EPRS1: variants seen among roughly 807,000 people sequenced by gnomAD.
EPRS1 encodes the protein glutamyl-prolyl-tRNA synthetase 1, also known as bifunctional glutamate/proline--tRNA ligase.
EPRS1 carries 107 observed loss-of-function variants against 188.3 expected under a neutral mutation model. That is an observed-to-expected ratio of 0.57 (90% CI 0.49 to 0.67). The LOEUF is 0.67. EPRS1 is among the 30% of genes least tolerant of loss of function. EPRS1 has a pLI of 0.00. For synonymous variants in EPRS1, 596 were observed against 593.1 expected, an observed-to-expected ratio of 1.00 and a Z score of -0.07; for missense variants, 1,577 against 1,802.2, an observed-to-expected ratio of 0.88 and a Z score of 2.26.
At chr1:220,018,058 C>A in intron 12 of EPRS1, 1 of 890,160 alleles carries the variant, frequency 1.1e-6, no homozygotes, top group South Asian at 1.4e-5. Flanking sequence ...AGCCATATAA[C>A]ATCTCAGGTT....
At chr1:219,996,078 G>A (rs748207150) in intron 18 of EPRS1, among the ~76,000 whole-genome samples, 11 of 152,120 alleles carry the variant, frequency 7.2e-5, no homozygotes, top group Non-Finnish European at 1.6e-4. Context: ...GCTGCTGTTT[G>A]AGGAGAACTA....
rs550876928 is a variant in EPRS1 at position 220,027,465 on chromosome 1, G to A, written c.624-2207C>T. ...AAATTATCTGGGCGTGGTGGTGGGC[G>A]CCTGTAATCCCAACTACTCGGGAGG... On this transcript the variant is annotated intron_variant, in intron 6 of 31. Transcript: ENST00000366923. 1.1e-3 allele frequency among the ~76,000 whole-genome samples: 161 copies of A among 150,760 alleles called. 2 individuals carry two copies. The Middle Eastern group carries it at 0.017, about 16-fold the overall frequency.
At chr1:220,037,986 A>G (rs1457905284) in intron 2 of EPRS1, among the ~76,000 whole-genome samples, 2 of 152,146 alleles carry the variant, frequency 1.3e-5, no homozygotes, top group African/African-American at 4.8e-5. Context: ...TGGTACAACT[A>G]CACTGGGAGA....
At position 219,978,718 on chromosome 1, in the gene EPRS1, A is replaced by G. The variant is rs749495361; in HGVS notation, c.3911T>C (p.Val1304Ala). ...VLPPRVACVQ[V>A]VIIPCGITNA... ...GGTAATGCCACAAGGAATAATCACC[A>G]CCTAGAATCAGCACAATGTCCCAAA... Residue 1304 changes from valine to alanine, a missense_variant and splice_region_variant, in exon 28 of 32, where the codon GTG becomes GCG. This residue lies in a region of EPRS1 where 296 missense variants were observed against 327.9 expected (regional missense o/e 0.90). Coordinates refer to ENST00000366923, the MANE Select transcript of EPRS1 (RefSeq NM_004446.3). 1.2e-6 allele frequency: 2 copies of G among 1,607,694 alleles called. No individual in the cohort carries two copies. The highest frequency in any genetic ancestry group is 2.2e-5 in the South Asian group (2 of 90,220).
At chr1:219,981,742 G>T (rs1297698108) in intron 23 of EPRS1, among the ~76,000 whole-genome samples, 3 of 152,046 alleles carry the variant, frequency 2.0e-5, no homozygotes, top group African/African-American at 7.2e-5. Context: ...TACTTCGACG[G>T]TTTTCACATT....
intron 11 of EPRS1, 140 bp from the exon 12 acceptor site, chr1:220,018,648 T>C (rs1661791578): frequency 1.5e-6 from 1 of 662,428 alleles, no homozygotes; most frequent in Non-Finnish European, 2.6e-6. Context: ...AATATAAAAC[T>C]CAGTGTATAC....
At chr1:220,001,022 A>G (rs1661339468) in intron 17 of EPRS1, 116 bp downstream of exon 17, 1 of 707,920 alleles carries the variant, frequency 1.4e-6, no homozygotes, top group Non-Finnish European at 2.6e-6. Flanking sequence ...AGCAAGACTT[A>G]ACTGTCTTCT....
At position 219,981,447 on chromosome 1, in the gene EPRS1, A is replaced by C. The variant is rs1425579593; in HGVS notation, c.3384T>G (p.Pro1128=). The part of the protein sequence containing the change: ...IRPTSETVMY[P]AYAKWVQSHR... ...GTGACTGTACCCATTTTGCATATGCAGGATACATTACTGAAAGACACGGGA... is the reference window on the plus strand; with the variant it reads ...GTGACTGTACCCATTTTGCATATGCCGGATACATTACTGAAAGACACGGGA... The change falls in exon 24 of 32, where the codon CCT becomes CCG. Residue 1128 remains proline, a synonymous_variant. Coordinates refer to ENST00000366923, the MANE Select transcript of EPRS1 (RefSeq NM_004446.3). The C allele has an allele frequency of 6.3e-7, 1 of 1,597,794 alleles. No homozygotes were observed. The highest frequency in any genetic ancestry group is 2.2e-5 in the East Asian group (1 of 44,692).
At chr1:220,029,054 T>C (rs887755240) in intron 6 of EPRS1, among the ~76,000 whole-genome samples, 1 of 152,030 alleles carries the variant, frequency 6.6e-6, no homozygotes, top group Non-Finnish European at 1.5e-5. Flanking sequence ...ACGCAAAATA[T>C]GAAAAGATTT....
chr1:220,032,114 G>T (rs938941947), intron 5 of EPRS1, among the ~76,000 whole-genome samples: 1 of 150,888 alleles, frequency 6.6e-6, no homozygotes, highest in Non-Finnish European at 1.5e-5. Flanking sequence ...TCGCTCTGTT[G>T]CCCAGGCAGG....
Position 220,001,179 on chromosome 1 carries a change from C to A in EPRS1, c.2140G>T (p.Gly714Trp), listed in dbSNP as rs188879915. 230 of 1,613,916 alleles carry A rather than the reference C, an allele frequency of 1.4e-4. 1 individual carries two copies. In the Admixed American group the frequency reaches 3.8e-3, roughly 27 times the overall value. The change falls in exon 17 of 32, where the codon GGG (glycine) becomes TGG (tryptophan). Residue 714 changes from glycine (G) to tryptophan (W), a missense_variant. By Grantham distance (184) the Gly-to-Trp change is radical. Transcript: ENST00000366923. ...TCTACTTTGGTCTTTTCCTTTGACC[C>A]TGATGTTGGCATTTCCTTTGTGTGC... ...DGHTKEMPTS[G>W]SKEKTKVEAT... is the part of the protein sequence containing the mutation.
intron 30 of EPRS1, among the ~76,000 whole-genome samples, chr1:219,970,363 T>A (rs1660641194): frequency 6.6e-6 from 1 of 152,182 alleles, no homozygotes; most frequent in Non-Finnish European, 1.5e-5. Context: ...AACAGCAACA[T>A]GCTTCCAGCT....
In EPRS1 at chr1:219,997,358, A is replaced by T. The variant is rs1277359560; in HGVS notation, c.2182-16T>A. The T allele has an allele frequency of 6.5e-7, 1 of 1,527,504 alleles. No homozygotes were observed. The highest frequency in any genetic ancestry group is 1.4e-5 in the African/African-American group (1 of 71,764). 94.6% of individuals were successfully genotyped at this position (1,527,504 alleles called of 1,614,324 possible). On this transcript the variant is annotated splice_polypyrimidine_tract_variant and intron_variant, in intron 17 of 31. Transcript: ENST00000366923. Reference sequence around the variant, plus strand: ...GAGCAGAGGTCTACCAAGAGAGAAAACCAAAAGTAAAATAATTAATTCATA... The same window carrying T: ...GAGCAGAGGTCTACCAAGAGAGAAATCCAAAAGTAAAATAATTAATTCATA...
rs757256489 is a variant in EPRS1, at chr1:219,982,839, A to G, written c.3306T>C (p.Ala1102=). The G allele has an allele frequency of 1.7e-5, 27 of 1,613,724 alleles. No individual in the cohort carries two copies. In the South Asian group the frequency reaches 1.9e-4, roughly 11 times the overall value. The change falls in exon 23 of 32, where the codon GCT becomes GCC. Residue 1102 remains alanine (A), a synonymous_variant. Transcript: ENST00000366923. ...CGGTTTTGCCAGATCTTGTAACCCA[A>G]GCAACCTAGTAAGAAAAAATCATTT... ...THVADFAPEV[A]WVTRSGKTEL... is the part of the protein sequence containing the mutation.
intron 15 of EPRS1, 37 bp downstream of exon 15, chr1:220,006,069 A>C (rs968506959): frequency 7.9e-7 from 1 of 1,259,566 alleles, no homozygotes; most frequent in African/African-American, 1.5e-5. Flanking sequence ...CTAAAGGAAA[A>C]TTTAAAAGGT....
chr1:219,970,033 G>A (rs1454080664), intron 30 of EPRS1, among the ~76,000 whole-genome samples: 3 of 152,146 alleles, frequency 2.0e-5, no homozygotes, highest in African/African-American at 7.2e-5. Flanking sequence ...TGTTGGCCAG[G>A]CTGGTCTCAA....
chr1:220,003,759 T>C (rs1171681258), intron 16 of EPRS1, among the ~76,000 whole-genome samples: 1 of 152,216 alleles, frequency 6.6e-6, no homozygotes, highest in Non-Finnish European at 1.5e-5. Context: ...TATTAGGCAC[T>C]ATGCTACACT....
chr1:220,040,559 G>C (rs1662271927), intron 1 of EPRS1, among the ~76,000 whole-genome samples: 1 of 152,208 alleles, frequency 6.6e-6, no homozygotes, highest in African/African-American at 2.4e-5. Flanking sequence ...AAAGAAATTA[G>C]TATAGTGCCA....
At chr1:220,025,829 C>T (rs1164875054) in intron 6 of EPRS1, among the ~76,000 whole-genome samples, 4 of 150,252 alleles carry the variant, frequency 2.7e-5, no homozygotes. Context: ...GAATCTCGCT[C>T]TGTCGCCCAG....
Sources: allele counts gnomAD v4.1 joint callset (sites outside exome capture counted in the v4.1 genomes callset), GRCh38; gene constraint gnomAD v4.1.1; regional missense constraint gnomAD v4.1.1; transcripts MANE v1.5; gene names NCBI Gene and HGNC (gene_info 2026-07-23, HGNC 2026-07-21).